The following MARCHF3 variants were observed in gnomAD, a reference collection of about 807,000 sequenced individuals.
MARCHF3 encodes the protein E3 ubiquitin-protein ligase MARCHF3.
MARCHF3 carries 13 observed loss-of-function variants against 24.2 expected under a neutral mutation model. That is an observed-to-expected ratio of 0.54 (90% CI 0.35 to 0.85). MARCHF3 has a LOEUF of 0.85. Ranked by LOEUF, MARCHF3 falls within the 40% of genes least tolerant of loss-of-function variation. MARCHF3 has a pLI of 0.01. For missense variants in MARCHF3, 276 were observed against 325.0 expected (o/e 0.85, Z 1.16); for synonymous variants, 144 against 137.3 (o/e 1.05, Z -0.34).
At chr5:126,923,396 T>TTTG (rs2126799051) in intron 1 of MARCHF3, among the ~76,000 whole-genome samples, 1 of 152,238 alleles carries the variant, frequency 6.6e-6, no homozygotes, top group African/African-American at 2.4e-5. Flanking sequence ...GTGGGAGAAA[T>TTTG]TTGTTATACT....
At chr5:126,991,725 A>T (rs917670403) in intron 1 of MARCHF3, among the ~76,000 whole-genome samples, 3 of 151,974 alleles carry the variant, frequency 2.0e-5, no homozygotes, top group African/African-American at 7.3e-5. Context: ...TATTTCAAAA[A>T]AAAAAAAAGA....
At chr5:126,887,869 GTTC>G (rs771785266) in intron 3 of MARCHF3, among the ~76,000 whole-genome samples, 1 of 152,088 alleles carries the variant, frequency 6.6e-6, no homozygotes, top group South Asian at 2.1e-4. Context: ...CCTCACCCCA[GTTC>G]TTCTTTGCCA....
intron 1 of MARCHF3, among the ~76,000 whole-genome samples, chr5:126,930,733 G>A (rs989258671): frequency 6.6e-6 from 1 of 152,194 alleles, no homozygotes; most frequent in African/African-American, 2.4e-5. Flanking sequence ...TCACTAATAA[G>A]GGTGAAAACA....
rs79279867 is a variant in MARCHF3, at chr5:126,884,907, G to A, written c.394-6513C>T. 4.6e-3 allele frequency among the ~76,000 whole-genome samples: 697 copies of A among 152,322 alleles called. 3 individuals carry two copies. Among genetic ancestry groups the A allele is most frequent in the Middle Eastern group, 0.034 (10 of 294 alleles). ...TTGCTTCTTTGCTCAAAACTCTCCA[G>A]TGGTCATAATAAAGTCCAAACTGTC... On this transcript the variant is annotated intron_variant, in intron 3 of 4. Coordinates refer to ENST00000308660, the MANE Select transcript of MARCHF3 (RefSeq NM_178450.5).
intron 1 of MARCHF3, among the ~76,000 whole-genome samples, chr5:126,975,713 G>T (rs148643946): frequency 3.0e-3 from 450 of 152,306 alleles, no homozygotes; most frequent in Non-Finnish European, 5.2e-3. Flanking sequence ...CACCTGAAGG[G>T]CAGTAGACTT....
chr5:127,020,442 A>T (rs1309714310), intron 1 of MARCHF3, among the ~76,000 whole-genome samples: 1 of 152,222 alleles, frequency 6.6e-6, no homozygotes, highest in Non-Finnish European at 1.5e-5. Context: ...TGGTCTAAAT[A>T]TTTATATCTC....
At chr5:127,021,892 G>C (rs1561477270) in intron 1 of MARCHF3, among the ~76,000 whole-genome samples, 1 of 152,186 alleles carries the variant, frequency 6.6e-6, no homozygotes, top group Non-Finnish European at 1.5e-5. Context: ...ACCATAGCTA[G>C]TGAAAACAAC....
intron 1 of MARCHF3, among the ~76,000 whole-genome samples, chr5:126,954,396 G>GTT (rs1750365766): frequency 6.6e-6 from 1 of 150,576 alleles, no homozygotes; most frequent in South Asian, 2.1e-4. Flanking sequence ...TTTGAGACAG[G>GTT]GTCTCGTTCT....
At chr5:126,917,011 TGGGAGTGTGATTCA>T (rs1407682682) in intron 2 of MARCHF3, among the ~76,000 whole-genome samples, 3 of 152,126 alleles carry the variant, frequency 2.0e-5, no homozygotes, top group Non-Finnish European at 4.4e-5. Context: ...TACAACAGCA[TGGGAGTGTGATTCA>T]GTGTCTGAGG....
chr5:126,976,407 CTCTT>C (rs753390226), intron 1 of MARCHF3, among the ~76,000 whole-genome samples: 34 of 152,332 alleles, frequency 2.2e-4, no homozygotes, highest in Non-Finnish European at 4.1e-4. Context: ...AAGTCAAACT[CTCTT>C]TCAGCTCCTC....
chr5:126,901,730 T>C (rs1296754802), intron 3 of MARCHF3, among the ~76,000 whole-genome samples: 1 of 152,168 alleles, frequency 6.6e-6, no homozygotes, highest in Non-Finnish European at 1.5e-5. Context: ...TTCTGAAATC[T>C]GCACCAGGGC....
At chr5:126,985,983 A>G (rs148786934) in intron 1 of MARCHF3, among the ~76,000 whole-genome samples, 33 of 152,338 alleles carry the variant, frequency 2.2e-4, no homozygotes, top group African/African-American at 7.9e-4. Flanking sequence ...CTTACAAAAG[A>G]GTTTAAATCA....
At chr5:126,978,164 C>T (rs969250553) in intron 1 of MARCHF3, among the ~76,000 whole-genome samples, 6 of 152,164 alleles carry the variant, frequency 3.9e-5, no homozygotes, top group African/African-American at 2.4e-5. Context: ...TTTCACTCTA[C>T]CCCCAAAACC....
At chr5:126,909,116 C>T (rs559520976) in intron 3 of MARCHF3, among the ~76,000 whole-genome samples, 56 of 152,328 alleles carry the variant, frequency 3.7e-4, no homozygotes, top group African/African-American at 1.3e-3. Flanking sequence ...GGGGGTGCCT[C>T]CCAGTTAGGC....
chr5:126,976,925 A>C (rs1294217281), intron 1 of MARCHF3, among the ~76,000 whole-genome samples: 1 of 152,250 alleles, frequency 6.6e-6, no homozygotes, highest in African/African-American at 2.4e-5. Flanking sequence ...TCTTGGTCCC[A>C]TCCTCCAAGA....
intron 1 of MARCHF3, among the ~76,000 whole-genome samples, chr5:126,958,948 T>C (rs1248247960): frequency 6.6e-6 from 1 of 152,168 alleles, no homozygotes; most frequent in Admixed American, 6.5e-5. Context: ...GAATACCCAT[T>C]AGTCCACACT....
intron 1 of MARCHF3, among the ~76,000 whole-genome samples, chr5:126,971,295 A>C (rs1046308888): frequency 6.6e-6 from 1 of 151,666 alleles, no homozygotes; most frequent in Admixed American, 6.6e-5. Context: ...TAAAAATACA[A>C]AAAATTAGCC....
rs116286389 is a variant in MARCHF3, at chr5:126,880,362, C to G, written c.394-1968G>C. Among the ~76,000 whole-genome samples, 193 of 152,264 alleles carry G rather than the reference C, an allele frequency of 1.3e-3. 1 individual carries two copies. Among genetic ancestry groups the G allele is most frequent in the African/African-American group, 4.5e-3 (186 of 41,554 alleles). ...ATATTAAAACATAGATAATGGGGAGCTGACTTGTCTGCGAATTTAAATACT... is the reference window on the plus strand; with the variant it reads ...ATATTAAAACATAGATAATGGGGAGGTGACTTGTCTGCGAATTTAAATACT... On this transcript the variant is annotated intron_variant, in intron 3 of 4. Coordinates refer to ENST00000308660, the MANE Select transcript of MARCHF3 (RefSeq NM_178450.5).
At chr5:126,956,672 C>CAAAAA (rs1561446087) in intron 1 of MARCHF3, among the ~76,000 whole-genome samples, 12 of 115,874 alleles carry the variant, frequency 1.0e-4, no homozygotes, top group African/African-American at 4.0e-4. Context: ...AAAAAAAAAA[C>CAAAAA]CAAAAAAACA....
Sources: allele counts gnomAD v4.1 joint callset (sites outside exome capture counted in the v4.1 genomes callset), GRCh38; gene constraint gnomAD v4.1.1; transcripts MANE v1.5; gene names NCBI Gene and HGNC (gene_info 2026-07-23, HGNC 2026-07-21).